Variants in RNF213 observed in about 807,000 individuals in gnomAD.
RNF213 encodes the protein E3 ubiquitin-protein ligase RNF213.
RNF213 carries 341 observed loss-of-function variants against 514.4 expected under a neutral mutation model. The ratio of observed to expected loss-of-function variants is 0.66; its 90% CI spans 0.61 to 0.73. The LOEUF (loss-of-function observed/expected upper bound fraction) is 0.73, where lower values mean the gene tolerates loss of function less well. RNF213 is among the 30% of genes least tolerant of loss of function. RNF213 has a pLI of 0.00. For synonymous variants in RNF213, 2,655 were observed against 2,658.2 expected (o/e 1.00, Z 0.04); for missense variants, 5,767 against 6,615.6 (o/e 0.87, Z 4.45).
intron 63 of RNF213, among the ~76,000 whole-genome samples, chr17:80,387,626 C>T (rs572276808): frequency 6.6e-6 from 1 of 152,380 alleles, no homozygotes; most frequent in East Asian, 1.9e-4. Context: ...CAGTCCACGG[C>T]CTAAAACCCA....
In RNF213 at chr17:80,291,752, T is replaced by C. The variant is rs911884038; in HGVS notation, c.1396T>C (p.Tyr466His). 7 of 1,614,100 alleles carry C rather than the reference T, an allele frequency of 4.3e-6. No individual in the cohort carries two copies. The highest frequency in any genetic ancestry group is 5.9e-6 in the Non-Finnish European group (7 of 1,180,056). The part of the protein sequence containing the change: ...NGESFEYEFI[Y>H]KHQQKKGEYV... Reference sequence around the variant, plus strand: ...GGAATCTTTTGAGTATGAGTTCATTTACAAGCACCAGCAGAAGAAGGGCGA... The same window carrying C: ...GGAATCTTTTGAGTATGAGTTCATTCACAAGCACCAGCAGAAGAAGGGCGA... Residue 466 changes from tyrosine (Y) to histidine (H), a missense_variant, in exon 8 of 68, where the codon TAC becomes CAC. By Grantham distance (83) the Tyr-to-His change is moderately conservative (BLOSUM62 2). Transcript: ENST00000582970.
Position 80,288,226 on chromosome 17 carries a change from A to G in RNF213, c.673A>G (p.Thr225Ala). The change falls in exon 4 of 68, where the codon ACC becomes GCC. Residue 225 changes from threonine (T) to alanine (A), a missense_variant. Around this residue, in one of 13 missense-constraint regions of RNF213, gnomAD observed 509 missense variants for 496.7 expected, o/e 1.02. Transcript: ENST00000582970. This position sits in a 1 kb window ranked among gnomAD's most constrained non-coding sequence, Gnocchi z 4.9. Reference protein sequence around the residue: ...GLSQEGTGPPTSAGEGHSRTE... With the variant: ...GLSQEGTGPPASAGEGHSRTE... ...GTCCCAGGAGGGGACCGGTCCCCCC[A>G]CCTCTGCTGGTGAAGGCCATTCTAG... 1.9e-6 allele frequency: 3 copies of G among 1,613,106 alleles called. No homozygotes were observed. Among genetic ancestry groups the G allele is most frequent in the Non-Finnish European group, 2.5e-6 (3 of 1,179,872 alleles).
At chr17:80,307,227 C>T in intron 13 of RNF213, 26 bp downstream of exon 13, 9 of 1,611,324 alleles carry the variant, frequency 5.6e-6, no homozygotes, top group Non-Finnish European at 7.6e-6. Context: ...GATGCAGTCT[C>T]TCCCTCACAT....
rs1404689737 is a variant in RNF213, at chr17:80,264,876, C to G, written c.97+1098C>G. ...AGAGCCCACCACCTTCTGGCCCTTC[C>G]TGGATACACCAGGTGTGCTTCCACC... is the stretch of plus-strand genomic sequence containing the variant. On this transcript the variant is annotated intron_variant, in intron 2 of 67. Coordinates refer to ENST00000582970, the MANE Select transcript of RNF213 (RefSeq NM_001256071.3). The surrounding 1 kb of genome is among the most constrained non-coding windows in gnomAD (Gnocchi z 5.0). Among the ~76,000 whole-genome samples, 1 of 152,076 alleles carries G rather than the reference C, an allele frequency of 6.6e-6. No homozygotes were observed. The highest frequency in any genetic ancestry group is 1.5e-5 in the Non-Finnish European group (1 of 68,016).
chr17:80,390,763 G>C (rs2080433536), intron 67 of RNF213, among the ~76,000 whole-genome samples: 1 of 152,114 alleles, frequency 6.6e-6, no homozygotes. Flanking sequence ...TTTTAAATTT[G>C]ATAGAAAAAG....
At position 80,390,156 on chromosome 17, in the gene RNF213, C is replaced by G. The variant is rs759915902; in HGVS notation, c.15430C>G (p.Pro5144Ala). ...HEMIILKLKN[P>A]QTQTEERFRP... is the part of the protein sequence containing the mutation. ...AATGATAATCTTGAAACTAAAGAAC[C>G]CCCAAACCCAAACCGAGGAGCGCTT... The change falls in exon 67 of 68, where the codon CCC (proline) becomes GCC (alanine). Residue 5144 changes from proline to alanine, a missense_variant. Coordinates refer to ENST00000582970, the MANE Select transcript of RNF213 (RefSeq NM_001256071.3). The G allele has an allele frequency of 1.2e-6, 2 of 1,614,198 alleles. No individual in the cohort carries two copies. The highest frequency in any genetic ancestry group is 1.7e-6 in the Non-Finnish European group (2 of 1,180,038).
chr17:80,279,579 C>T (rs2044186170), intron 3 of RNF213, among the ~76,000 whole-genome samples: 1 of 151,968 alleles, frequency 6.6e-6, no homozygotes, highest in Non-Finnish European at 1.5e-5. Flanking sequence ...ATTCTCCTGC[C>T]TCACCCTCCT....
intron 20 of RNF213, among the ~76,000 whole-genome samples, chr17:80,329,714 C>T (rs1246928706): frequency 6.6e-6 from 1 of 151,990 alleles, no homozygotes; most frequent in African/African-American, 2.4e-5. Context: ...GCCTGTATTC[C>T]CAACTACTTG....
At position 80,389,219 on chromosome 17, in the gene RNF213, AGTCCTACAGCGAT is replaced by A; in HGVS notation, c.15049_15061del (p.Ser5017ProfsTer8). The A allele has an allele frequency of 6.2e-7, 1 of 1,614,168 alleles. No individual in the cohort carries two copies. Among genetic ancestry groups the A allele is most frequent in the Non-Finnish European group, 8.5e-7 (1 of 1,179,992 alleles). On this transcript the variant is annotated frameshift_variant, in exon 65 of 68. Coordinates refer to ENST00000582970, the MANE Select transcript of RNF213 (RefSeq NM_001256071.3). LOFTEE classifies it high-confidence loss of function. ...ATTAGTGCCATCAGTGGACAGCTGC[AGTCCTACAGCGAT>A]GCCTGTGAAGTGCTGTCTGTCGTAG...
In RNF213 at chr17:80,343,497, G is replaced by T. The variant is rs2078221249; in HGVS notation, c.6183+172G>T. On this transcript the variant is annotated intron_variant, in intron 27 of 67. Coordinates refer to ENST00000582970, the MANE Select transcript of RNF213 (RefSeq NM_001256071.3). The surrounding 1 kb of genome is among the most constrained non-coding windows in gnomAD (Gnocchi z 4.3). ...TGTGTTGTCAGGCAGTTTCCTCCTT[G>T]TGTGAACGTCATGGTGTGCGCTTAC... Among the ~76,000 whole-genome samples, 1 of 152,194 alleles carries T rather than the reference G, an allele frequency of 6.6e-6. No individual in the cohort carries two copies. The highest frequency in any genetic ancestry group is 1.5e-5 in the Non-Finnish European group (1 of 68,044).
At chr17:80,275,121 G>A (rs2044006907) in intron 3 of RNF213, among the ~76,000 whole-genome samples, 2 of 141,568 alleles carry the variant, frequency 1.4e-5, no homozygotes, top group Non-Finnish European at 3.1e-5. Flanking sequence ...GTGCGTGTTG[G>A]GTGTGTGTGA....
At position 80,368,135 on chromosome 17, in the gene RNF213, A is replaced by G. The variant is rs763350139; in HGVS notation, c.12147A>G (p.Gln4049=). The G allele has an allele frequency of 2.5e-6, 4 of 1,614,118 alleles. No individual in the cohort carries two copies. The highest frequency in any genetic ancestry group is 1.3e-5 in the African/African-American group (1 of 74,938). The change falls in exon 44 of 68, where the codon CAA becomes CAG. Residue 4049 remains glutamine (Q), a synonymous_variant. Transcript: ENST00000582970. ...LPDEFSPAVS[Q]AHREAIEKHA... is the part of the protein sequence containing the mutation. Reference sequence around the variant, plus strand: ...ACGAATTCTCTCCAGCTGTTTCCCAAGCGCACAGGTACAACACCCTTTCTC... The same window carrying G: ...ACGAATTCTCTCCAGCTGTTTCCCAGGCGCACAGGTACAACACCCTTTCTC...
intron 3 of RNF213, among the ~76,000 whole-genome samples, chr17:80,280,467 G>A (rs1471720592): frequency 6.6e-6 from 1 of 152,076 alleles, no homozygotes; most frequent in Non-Finnish European, 1.5e-5. Context: ...GTTTTTGTTT[G>A]TTTTGAGGCA....
Position 80,262,635 on chromosome 17 carries a change from G to A in RNF213, c.-108-939G>A, listed in dbSNP as rs1283006748. 3.9e-5 allele frequency among the ~76,000 whole-genome samples: 6 copies of A among 152,158 alleles called. No homozygotes were observed. The East Asian group carries it at 1.2e-3, about 29-fold the overall frequency. ...TTTCCTTTATAGCCTTTTACAAAAG[G>A]ATAGCTTCCCAGAACTCCTGAGTAT... On this transcript the variant is annotated intron_variant, in intron 1 of 67. Transcript: ENST00000582970.
At chr17:80,355,669 TAC>T (rs2078766684) in intron 36 of RNF213, among the ~76,000 whole-genome samples, 4 of 20,048 alleles carry the variant, frequency 2.0e-4, no homozygotes, top group Non-Finnish European at 4.1e-4. Flanking sequence ...AATGGGGGCT[TAC>T]AGGGGGAAGA....
At position 80,382,988 on chromosome 17, in the gene RNF213, A is replaced by G; in HGVS notation, c.13988A>G (p.Asn4663Ser). The G allele has an allele frequency of 1.2e-6, 2 of 1,613,202 alleles. No individual in the cohort carries two copies. The highest frequency in any genetic ancestry group is 2.2e-5 in the South Asian group (2 of 91,074). The change falls in exon 58 of 68, where the codon AAT becomes AGT. Residue 4663 changes from asparagine to serine, a missense_variant. By Grantham distance (46) the Asn-to-Ser change is conservative (BLOSUM62 1). Coordinates refer to ENST00000582970, the MANE Select transcript of RNF213 (RefSeq NM_001256071.3). ...TGGAGTTTTTTTGTAGGGCTTTTAA[A>G]TTTTGACACAGAATTGTCAACTAAA... ...QHQLSSRRLL[N>S]FDTELSTKEM...
chr17:80,368,524 C>T (rs1455904827), intron 44 of RNF213, among the ~76,000 whole-genome samples: 3 of 151,892 alleles, frequency 2.0e-5, no homozygotes, highest in African/African-American at 7.3e-5. Context: ...CCTTCACCTC[C>T]TGGGTTCAGG....
chr17:80,326,690 A>G (rs1180616630), intron 18 of RNF213, among the ~76,000 whole-genome samples: 1 of 152,130 alleles, frequency 6.6e-6, no homozygotes, highest in Admixed American at 6.5e-5. Context: ...TCACTTAGTA[A>G]TACGTATTTA....
At chr17:80,261,250 A>AGGG (rs1004122486) in intron 1 of RNF213, among the ~76,000 whole-genome samples, 1 of 152,078 alleles carries the variant, frequency 6.6e-6, no homozygotes, top group African/African-American at 2.4e-5. Flanking sequence ...GTGTAGTGGA[A>AGGG]GGGGACAGCC....
Sources: gnomAD v4.1 joint callset for allele counts (sites outside exome capture counted in the v4.1 genomes callset) on GRCh38, gnomAD v4.1.1 for gene constraint, gnomAD v4.1.1 regional missense constraint, Gnocchi (gnomAD v3.1) non-coding constraint, MANE v1.5 for transcripts, NCBI Gene and HGNC (gene_info 2026-07-23, HGNC 2026-07-21) for gene names.